TTC28: variants seen among roughly 807,000 people sequenced by gnomAD.
TTC28 encodes the protein tetratricopeptide repeat domain 28, also known as tetratricopeptide repeat protein 28.
TTC28 carries 61 observed loss-of-function variants against 198.0 expected under a neutral mutation model. The ratio of observed to expected loss-of-function variants is 0.31; its 90% confidence interval spans 0.25 to 0.38. The LOEUF (loss-of-function observed/expected upper bound fraction) is 0.38, where lower values mean the gene tolerates loss of function less well. Among genes scored for constraint, TTC28 ranks in the 10% least tolerant of loss-of-function variants. The pLI is 1.00. For missense variants in TTC28, 2,678 were observed against 3,164.0 expected (o/e 0.85, Z 3.69); for synonymous variants, 1,171 against 1,297.8 (o/e 0.90, Z 2.10).
chr22:28,332,877 A>C (rs1430310764), intron 2 of TTC28, among the ~76,000 whole-genome samples: 1 of 152,132 alleles, frequency 6.6e-6, no homozygotes, highest in Non-Finnish European at 1.5e-5. Flanking sequence ...CAGGCAGTTA[A>C]CTAATTCAGC....
At chr22:28,442,871 C>T (rs2047646799) in intron 2 of TTC28, 1 of 152,430 alleles carries the variant, frequency 6.6e-6, no homozygotes, top group African/African-American at 2.4e-5. Context: ...CCATTCCCCT[C>T]TCCAGGACAC....
chr22:28,377,190 T>C (rs1380323336), intron 2 of TTC28, among the ~76,000 whole-genome samples: 1 of 132,844 alleles, frequency 7.5e-6, no homozygotes, highest in Non-Finnish European at 1.6e-5. Flanking sequence ...GGACATAATA[T>C]ATTGTAAAGT....
Position 28,107,487 on chromosome 22 carries a change from C to T in TTC28, c.2358G>A (p.Glu786=). 2 of 1,551,792 alleles carry T rather than the reference C, an allele frequency of 1.3e-6. No individual in the cohort carries two copies. Among genetic ancestry groups the T allele is most frequent in the Non-Finnish European group, 1.7e-6 (2 of 1,147,012 alleles). ...TGCACTCCCCTGGCAAGTCACTCAG[C>T]TCCTGATATACCTCCAGTTCCTGTG... is the stretch of plus-strand genomic sequence containing the variant. ...YHTQELEVYQ[E]LSDLPGECRA... The change falls in exon 7 of 23, where the codon GAG becomes GAA. Residue 786 remains glutamate (E), a synonymous_variant. Coordinates refer to ENST00000397906, the MANE Select transcript of TTC28 (RefSeq NM_001145418.2).
intron 2 of TTC28, among the ~76,000 whole-genome samples, chr22:28,526,566 G>A (rs2049007946): frequency 6.6e-6 from 1 of 152,106 alleles, no homozygotes; most frequent in African/African-American, 2.4e-5. Flanking sequence ...TAGAACCTAA[G>A]TAGAACGCCC....
At chr22:28,566,477 A>G (rs1322309674) in intron 2 of TTC28, among the ~76,000 whole-genome samples, 1 of 152,218 alleles carries the variant, frequency 6.6e-6, no homozygotes, top group Admixed American at 6.5e-5. Context: ...ACTGTAACTG[A>G]GTAACAGGCT....
intron 14 of TTC28, chr22:28,007,136 C>T (rs1937959863): frequency 6.6e-6 from 1 of 152,132 alleles, no homozygotes; most frequent in Non-Finnish European, 1.5e-5. Flanking sequence ...AGGCAAAGGG[C>T]TTCAGGGTAT....
At chr22:28,338,627 A>G (rs1452857445) in intron 2 of TTC28, among the ~76,000 whole-genome samples, 1 of 152,154 alleles carries the variant, frequency 6.6e-6, no homozygotes, top group Non-Finnish European at 1.5e-5. Flanking sequence ...CCAGTTGATC[A>G]AATCAGCTAC....
chr22:28,135,058 G>A (rs953071515), intron 6 of TTC28, among the ~76,000 whole-genome samples: 4 of 152,164 alleles, frequency 2.6e-5, no homozygotes, highest in Non-Finnish European at 4.4e-5. Context: ...GGTATGATGA[G>A]TGATTTTCTA....
chr22:28,037,944 A>T (rs1939436629), intron 12 of TTC28, among the ~76,000 whole-genome samples: 1 of 152,232 alleles, frequency 6.6e-6, no homozygotes, highest in African/African-American at 2.4e-5. Context: ...TAAAATACCT[A>T]GGAAAACAAC....
chr22:28,463,938 A>G (rs929653182), intron 2 of TTC28, among the ~76,000 whole-genome samples: 1 of 151,880 alleles, frequency 6.6e-6, no homozygotes, highest in Non-Finnish European at 1.5e-5. Context: ...TTAAAAAAAT[A>G]AAAATTAAAA....
chr22:28,456,774 C>G (rs960775862), intron 2 of TTC28, among the ~76,000 whole-genome samples: 1 of 152,154 alleles, frequency 6.6e-6, no homozygotes, highest in Non-Finnish European at 1.5e-5. Context: ...CGGGGTTTCA[C>G]GATGTTGGCC....
At chr22:28,476,447 A>G (rs187875184) in intron 2 of TTC28, among the ~76,000 whole-genome samples, 2 of 152,296 alleles carry the variant, frequency 1.3e-5, no homozygotes, top group African/African-American at 4.8e-5. Context: ...CTCCTAGTGC[A>G]CTTGTATAAG....
intron 1 of TTC28, among the ~76,000 whole-genome samples, chr22:28,671,847 T>G (rs903487979): frequency 6.6e-6 from 1 of 151,340 alleles, no homozygotes; most frequent in African/African-American, 2.4e-5. Context: ...GGCTAATTTT[T>G]GTGTTTTTAG....
intron 5 of TTC28, among the ~76,000 whole-genome samples, chr22:28,261,998 A>G (rs1406197190): frequency 6.6e-6 from 1 of 152,174 alleles, no homozygotes; most frequent in African/African-American, 2.4e-5. Context: ...CTAAACTGAC[A>G]TTATACAGGG....
intron 13 of TTC28, among the ~76,000 whole-genome samples, chr22:28,023,490 G>A (rs906365608): frequency 6.6e-6 from 1 of 152,216 alleles, no homozygotes; most frequent in African/African-American, 2.4e-5. Context: ...ACAACCTGGT[G>A]TATGGCAGCC....
intron 8 of TTC28, among the ~76,000 whole-genome samples, chr22:28,104,340 C>T (rs865822329): frequency 6.6e-6 from 1 of 152,132 alleles, no homozygotes; most frequent in African/African-American, 2.4e-5. Flanking sequence ...GGTGATTCAA[C>T]TGCAAAAATG....
chr22:28,674,601 C>A (rs999295372), intron 1 of TTC28, among the ~76,000 whole-genome samples: 3 of 151,828 alleles, frequency 2.0e-5, no homozygotes, highest in Admixed American at 2.0e-4. Context: ...GGGTGGATCA[C>A]TTGAGGTCAG....
rs1336976585 is a variant in TTC28 at position 27,981,872 on chromosome 22, T to G, written c.*349A>C. On this transcript the variant is annotated 3_prime_UTR_variant, in exon 23 of 23. Transcript: ENST00000397906. ...TTAGCAAAATATGTGCTCCCTTTCC[T>G]CTCCCCACCCCAGAACCATGATCAT... 2.6e-5 allele frequency: 6 copies of G among 232,660 alleles called. No individual in the cohort carries two copies. Among genetic ancestry groups the G allele is most frequent in the Admixed American group, 5.3e-5 (1 of 18,988 alleles). The allele number at this position is 232,660 out of a possible 1,614,324, so 14.4% of individuals were successfully genotyped here. A position where few individuals can be genotyped will look rare whatever the true frequency, so the allele number is the denominator to read the frequency against.
chr22:28,174,547 A>G (rs1922975575), intron 5 of TTC28, among the ~76,000 whole-genome samples: 2 of 152,152 alleles, frequency 1.3e-5, no homozygotes, highest in South Asian at 2.1e-4. Context: ...ATATATGCAT[A>G]AGAAAATTCA....
Sources: gnomAD v4.1 joint callset for allele counts (sites outside exome capture counted in the v4.1 genomes callset) on GRCh38, gnomAD v4.1.1 for gene constraint, MANE v1.5 for transcripts, NCBI Gene and HGNC (gene_info 2026-07-23, HGNC 2026-07-21) for gene names.